Variants in ADGRD1 observed in about 807,000 individuals in gnomAD.
ADGRD1 encodes G-protein coupled receptor 133.
A neutral mutation model predicts 113.4 loss-of-function variants in ADGRD1; 77 were observed. That is an observed-to-expected ratio of 0.68 (90% CI 0.57 to 0.82). The LOEUF is 0.82. Among genes scored for constraint, ADGRD1 ranks in the 40% least tolerant of loss-of-function variants. The pLI is 0.00. For missense variants in ADGRD1, 1,036 were observed against 1,139.1 expected (o/e 0.91, Z 1.30); for synonymous variants, 474 against 475.0 (o/e 1.00, Z 0.03).
At chr12:131,123,233 CAG>C (rs1427227204) in intron 20 of ADGRD1, among the ~76,000 whole-genome samples, 2 of 151,228 alleles carry the variant, frequency 1.3e-5, no homozygotes, top group Non-Finnish European at 3.0e-5. Context: ...TTAGTAGAAA[CAG>C]GGTTTCACCA....
chr12:131,111,685 C>A (rs1950350627), intron 18 of ADGRD1, among the ~76,000 whole-genome samples: 1 of 151,956 alleles, frequency 6.6e-6, no homozygotes, highest in Non-Finnish European at 1.5e-5. Flanking sequence ...GATTCTTCTG[C>A]CACTTTGGAT....
intron 15 of ADGRD1, among the ~76,000 whole-genome samples, chr12:131,101,007 C>T (rs151170748): frequency 1.1e-4 from 16 of 152,328 alleles, no homozygotes; most frequent in African/African-American, 3.6e-4. Flanking sequence ...CCATTGTTCC[C>T]AGTACTGCTC....
chr12:131,085,065 A>T (rs900384148), intron 15 of ADGRD1, among the ~76,000 whole-genome samples: 1 of 152,224 alleles, frequency 6.6e-6, no homozygotes, highest in African/African-American at 2.4e-5. Flanking sequence ...GCTCTTGAGG[A>T]GTTTGTGTTC....
At chr12:130,981,341 C>A (rs539805474) in intron 4 of ADGRD1, 6 of 152,130 alleles carry the variant, frequency 3.9e-5, no homozygotes, top group African/African-American at 1.4e-4. Context: ...TTATGGACAT[C>A]GGAGGAAGTT....
chr12:131,045,937 G>T (rs1033163167), intron 13 of ADGRD1, among the ~76,000 whole-genome samples: 1 of 150,414 alleles, frequency 6.6e-6, no homozygotes, highest in South Asian at 2.1e-4. Flanking sequence ...TGGTGCTCCC[G>T]CCCTGGTTGG....
intron 2 of ADGRD1, among the ~76,000 whole-genome samples, chr12:130,959,251 T>C (rs1467606029): frequency 6.6e-6 from 1 of 152,224 alleles, no homozygotes; most frequent in Non-Finnish European, 1.5e-5. Context: ...CACTCAGCAC[T>C]GTGCCTTATG....
chr12:130,996,792 C>A (rs1206057737), intron 8 of ADGRD1, among the ~76,000 whole-genome samples: 3 of 96,582 alleles, frequency 3.1e-5, no homozygotes, highest in South Asian at 3.6e-4. Context: ...CGGGCAGAGG[C>A]GCCCCTCACC....
rs1398167083 is a variant in ADGRD1 at position 131,041,276 on chromosome 12, G to A, written c.1473+26936G>A. Reference sequence around the variant, plus strand: ...GGATGATCTTGTGGAGCCGGAGGGTGTGGGTGGGGGATGTGGGTGCAAAGG... The same window carrying A: ...GGATGATCTTGTGGAGCCGGAGGGTATGGGTGGGGGATGTGGGTGCAAAGG... On this transcript the variant is annotated intron_variant, in intron 13 of 24. Transcript: ENST00000261654. The surrounding 1 kb of genome is among the most constrained non-coding windows in gnomAD (Gnocchi z 4.4). Among the ~76,000 whole-genome samples the A allele has an allele frequency of 3.3e-5, 5 of 152,178 alleles. No homozygotes were observed. Among genetic ancestry groups the A allele is most frequent in the African/African-American group, 4.8e-5 (2 of 41,434 alleles).
intron 15 of ADGRD1, among the ~76,000 whole-genome samples, 166 bp from the exon 16 acceptor site, chr12:131,104,665 G>A (rs564532830): frequency 6.6e-6 from 1 of 152,236 alleles, no homozygotes; most frequent in South Asian, 2.1e-4. Context: ...CCCCAGCACC[G>A]GCCTCTGTCG....
intron 8 of ADGRD1, chr12:130,994,153 A>C (rs530448556): frequency 2.8e-6 from 1 of 363,342 alleles, no homozygotes; most frequent in East Asian, 7.7e-5. Context: ...CGGGCTCCGA[A>C]GGGAAGGACC....
intron 13 of ADGRD1, among the ~76,000 whole-genome samples, chr12:131,033,918 T>G (rs936932162): frequency 6.6e-6 from 1 of 152,098 alleles, no homozygotes; most frequent in African/African-American, 2.4e-5. Context: ...AGGACAGAGC[T>G]CCACCCTCTG....
In ADGRD1 at chr12:131,088,465, G is replaced by A. The variant is rs181208458; in HGVS notation, c.1671+3802G>A. Among the ~76,000 whole-genome samples, 901 of 152,334 alleles carry A rather than the reference G, an allele frequency of 5.9e-3. 11 individuals carry two copies. Among genetic ancestry groups the A allele is most frequent in the Non-Finnish European group, 0.011 (773 of 68,036 alleles). On this transcript the variant is annotated intron_variant, in intron 15 of 24. Transcript: ENST00000261654. ...GTGATGCCGGAGCTGTTTGAAAGAC[G>A]GAAGCCCAGGAGGGCCTGCCTGAGA...
Position 130,987,147 on chromosome 12 carries a change from A to C in ADGRD1, c.543A>C (p.Lys181Asn). The C allele has an allele frequency of 1.2e-6, 2 of 1,614,100 alleles. No homozygotes were observed. Among genetic ancestry groups the C allele is most frequent in the Non-Finnish European group, 1.7e-6 (2 of 1,179,904 alleles). Residue 181 changes from lysine (K) to asparagine (N), a missense_variant, in exon 6 of 25, where the codon AAA becomes AAC. By Grantham distance (94) the Lys-to-Asn change is moderately conservative. Transcript: ENST00000261654. Reference sequence around the variant, plus strand: ...CATGGAAATCCAAGGAGGGCCTGAAAGTCTACGTCAACGGGACCCTGAGCA... The same window carrying C: ...CATGGAAATCCAAGGAGGGCCTGAACGTCTACGTCAACGGGACCCTGAGCA... ...LFTWKSKEGL[K>N]VYVNGTLSTS...
Position 131,031,308 on chromosome 12 carries a change from A to G in ADGRD1, c.1473+16968A>G, listed in dbSNP as rs1880712436. 3.9e-5 allele frequency among the ~76,000 whole-genome samples: 6 copies of G among 152,180 alleles called. No homozygotes were observed. In the South Asian group the frequency reaches 1.2e-3, roughly 31 times the overall value. ...TGCCCTGGTGCGGCTCAAACACTGG[A>G]CGGTGGCCTTCATCCCTTTAGGCCT... On this transcript the variant is annotated intron_variant, in intron 13 of 24. Transcript: ENST00000261654.
At position 131,120,865 on chromosome 12, in the gene ADGRD1, G is replaced by A. The variant is rs767245961; in HGVS notation, c.2127G>A (p.Ala709=). The A allele has an allele frequency of 3.3e-5, 54 of 1,614,122 alleles. No homozygotes were observed. Among genetic ancestry groups the A allele is most frequent in the Admixed American group, 5.0e-5 (3 of 60,018 alleles). ...TCCGCAGTTGCTGGCTGTCGTTGGC[G>A]AGTGGCGCCATCTGGGCCTTTGTAG... is the stretch of plus-strand genomic sequence containing the variant. ...GTSNNCWLSL[A]SGAIWAFVAP... The change falls in exon 20 of 25, where the codon GCG becomes GCA. Residue 709 remains alanine, a synonymous_variant. Transcript: ENST00000261654.
At chr12:131,101,124 A>G (rs1372674223) in intron 15 of ADGRD1, among the ~76,000 whole-genome samples, 1 of 152,000 alleles carries the variant, frequency 6.6e-6, no homozygotes, top group Non-Finnish European at 1.5e-5. Flanking sequence ...AAATGCAGCT[A>G]TGGTGTCCGA....
At chr12:131,013,718 AAACAGCAGATGGCCAC>A (rs2136810357) in intron 12 of ADGRD1, among the ~76,000 whole-genome samples, 1 of 152,298 alleles carries the variant, frequency 6.6e-6, no homozygotes, top group South Asian at 2.1e-4. Flanking sequence ...TGGGTGGGCA[AAACAGCAGATGGCCAC>A]TGCACCATCC....
At chr12:131,002,608 C>T in intron 9 of ADGRD1, 1 of 1,061,786 alleles carries the variant, frequency 9.4e-7, no homozygotes, top group Non-Finnish European at 1.1e-6. Flanking sequence ...GGGCCCCCTG[C>T]TTTCTTGGGG....
At chr12:131,062,490 C>T (rs1884411241) in intron 13 of ADGRD1, among the ~76,000 whole-genome samples, 1 of 152,174 alleles carries the variant, frequency 6.6e-6, no homozygotes, top group African/African-American at 2.4e-5. Context: ...ACCCAAATCT[C>T]ACCTTGAACT....
Sources: gnomAD v4.1 joint callset for allele counts (sites outside exome capture counted in the v4.1 genomes callset) on GRCh38, gnomAD v4.1.1 for gene constraint, Gnocchi (gnomAD v3.1) non-coding constraint, MANE v1.5 for transcripts, NCBI Gene and HGNC (gene_info 2026-07-23, HGNC 2026-07-21) for gene names.